ZBTB7B: variants seen among roughly 807,000 people sequenced by gnomAD.
ZBTB7B encodes the protein zinc finger and BTB domain-containing protein 7B.
In ZBTB7B, 8 loss-of-function variants were observed where a neutral mutation model predicts 31.0. That is an observed-to-expected ratio of 0.26 (90% CI 0.15 to 0.47). The LOEUF is 0.47. Ranked by LOEUF, ZBTB7B falls within the 20% of genes least tolerant of loss-of-function variation. ZBTB7B has a pLI of 0.99. For synonymous variants in ZBTB7B, 261 were observed against 307.3 expected (o/e 0.85, Z 1.58); for missense variants, 494 against 742.4 (o/e 0.67, Z 3.89).
At chr1:155,007,795 C>T (rs977225450) in intron 1 of ZBTB7B, among the ~76,000 whole-genome samples, 5 of 151,826 alleles carry the variant, frequency 3.3e-5, no homozygotes, top group African/African-American at 9.7e-5. Flanking sequence ...CCAACCGGGC[C>T]GGGAGCTGGT....
At chr1:155,006,264 T>C (rs1341909773) in intron 1 of ZBTB7B, among the ~76,000 whole-genome samples, 1 of 152,176 alleles carries the variant, frequency 6.6e-6, no homozygotes, top group African/African-American at 2.4e-5. Flanking sequence ...ATGGACATCT[T>C]AGCCCTCTCT....
rs1262962873 is a variant in ZBTB7B at position 155,014,744 on chromosome 1, C to T, written c.84C>T (p.Arg28=). Residue 28 remains arginine, a synonymous_variant, in exon 2 of 3, where the codon CGC becomes CGT. Transcript: ENST00000535420. The stretch of plus-strand genomic sequence containing the variant: ...TCCTGAGCTGCCTCAATGAGCAGCG[C>T]CAGCTGGGCCACCTATGTGACCTCA... ...SELLSCLNEQ[R]QLGHLCDLTI... 6.2e-7 allele frequency: 1 copy of T among 1,614,240 alleles called. No homozygotes were observed. The highest frequency in any genetic ancestry group is 1.1e-5 in the South Asian group (1 of 91,092).
Position 155,004,944 on chromosome 1 carries a change from G to A in ZBTB7B, c.-7+2001G>A, listed in dbSNP as rs1386889851. On this transcript the variant is annotated intron_variant, in intron 1 of 2. Coordinates refer to ENST00000535420, the MANE Select transcript of ZBTB7B (RefSeq NM_001256455.2). The surrounding 1 kb of genome is among the most constrained non-coding windows in gnomAD (Gnocchi z 4.0). The stretch of plus-strand genomic sequence containing the variant: ...AGAAGGCAGTGCCCACTAGGCTCAG[G>A]TGTCAAGGAGACAGGCTTGCTCTAA... 1.3e-5 allele frequency among the ~76,000 whole-genome samples: 2 copies of A among 152,188 alleles called. No individual in the cohort carries two copies. Among genetic ancestry groups the A allele is most frequent in the African/African-American group, 4.8e-5 (2 of 41,444 alleles).
intron 1 of ZBTB7B, chr1:155,011,013 G>C (rs1250871757): frequency 6.5e-7 from 1 of 1,535,054 alleles, no homozygotes; most frequent in Admixed American, 2.0e-5. Context: ...GCAGAGCCTA[G>C]AGGTAGGGGC....
At chr1:155,014,219 C>A in intron 1 of ZBTB7B, 1 of 371,550 alleles carries the variant, frequency 2.7e-6, no homozygotes, top group Non-Finnish European at 3.8e-6. Context: ...TCAGCCAATT[C>A]TTTATGAAGC....
Position 155,002,930 on chromosome 1 carries a change from C to T in ZBTB7B, c.-20C>T, listed in dbSNP as rs1337319044. The T allele has an allele frequency of 6.5e-6, 1 of 152,966 alleles. No individual in the cohort carries two copies. Among genetic ancestry groups the T allele is most frequent in the Non-Finnish European group, 1.5e-5 (1 of 68,212 alleles). The allele number at this position is 152,966 out of a possible 1,614,324, so 9.5% of individuals were successfully genotyped here. A position where few individuals can be genotyped will look rare whatever the true frequency, so the allele number is the denominator to read the frequency against. On this transcript the variant is annotated 5_prime_UTR_variant, in exon 1 of 3. Transcript: ENST00000535420. ...GCCTCAGCAGCTCCAGCCAGCGGAC[C>T]CGACGGCTGAGAGGTGAGTGTACCC...
Position 155,016,202 on chromosome 1 carries a change from C to G in ZBTB7B, c.1155-18C>G, listed in dbSNP as rs545240443. ...CCATCCTGAACACCTCCCTGCCCCT[C>G]ACCCCTGCCTGTGCCAGGAACGACA... On this transcript the variant is annotated intron_variant, in intron 2 of 2. Transcript: ENST00000535420. The surrounding 1 kb of genome is among the most constrained non-coding windows in gnomAD (Gnocchi z 4.3). The G allele has an allele frequency of 6.2e-7, 1 of 1,608,522 alleles. No individual in the cohort carries two copies. Among genetic ancestry groups the G allele is most frequent in the African/African-American group, 1.3e-5 (1 of 74,908 alleles).
intron 1 of ZBTB7B, among the ~76,000 whole-genome samples, chr1:155,006,449 C>A (rs931502144): frequency 6.6e-6 from 1 of 152,200 alleles, no homozygotes; most frequent in African/African-American, 2.4e-5. Context: ...TCCCCAGAAC[C>A]AGGTCAGCCT....
intron 1 of ZBTB7B, among the ~76,000 whole-genome samples, chr1:155,008,560 C>T (rs1334928598): frequency 6.6e-6 from 1 of 152,180 alleles, no homozygotes; most frequent in Non-Finnish European, 1.5e-5. Flanking sequence ...CTCCCTTCTT[C>T]CTTCTCCTGG....
intron 1 of ZBTB7B, among the ~76,000 whole-genome samples, chr1:155,012,365 T>G (rs1240459537): frequency 6.6e-5 from 10 of 152,068 alleles, no homozygotes; most frequent in Admixed American, 6.5e-4. Context: ...CCATCCCCCT[T>G]AGGAGGGACA....
chr1:155,010,931 T>C (rs1658925098), intron 1 of ZBTB7B: 13 of 1,535,796 alleles, frequency 8.5e-6, no homozygotes, highest in Non-Finnish European at 1.1e-5. Flanking sequence ...TGTTACAGCC[T>C]GGTCCTCATC....
intron 1 of ZBTB7B, among the ~76,000 whole-genome samples, chr1:155,008,310 A>G (rs1571511369): frequency 6.6e-6 from 1 of 151,728 alleles, no homozygotes; most frequent in Admixed American, 6.6e-5. Flanking sequence ...GGGTGAGGCT[A>G]TGGGGAGGGC....
rs760358899 is a variant in ZBTB7B at position 155,014,675 on chromosome 1, G to A, written c.15G>A (p.Glu5=). The A allele has an allele frequency of 7.9e-5, 128 of 1,613,042 alleles. 1 individual carries two copies. The highest frequency in any genetic ancestry group is 7.0e-4 in the South Asian group (64 of 91,062). The change falls in exon 2 of 3, where the codon GAG becomes GAA. Residue 5 remains glutamate, a synonymous_variant. Coordinates refer to ENST00000535420, the MANE Select transcript of ZBTB7B (RefSeq NM_001256455.2). ...TGCAGGAGAAGATGGGGAGCCCCGAGGATGACCTGATTGGGATTCCATTCC... is the reference window on the plus strand; with the variant it reads ...TGCAGGAGAAGATGGGGAGCCCCGAAGATGACCTGATTGGGATTCCATTCC... The part of the protein sequence containing the change: MGSP[E]DDLIGIPFPD...
chr1:155,010,848 GA>G, intron 1 of ZBTB7B: 1 of 1,303,186 alleles, frequency 7.7e-7, no homozygotes, highest in Non-Finnish European at 1.1e-6. Flanking sequence ...AAGTAAGGGG[GA>G]GGGGTGGCCA....
chr1:155,007,166 G>A (rs1323324934), intron 1 of ZBTB7B, among the ~76,000 whole-genome samples: 1 of 152,228 alleles, frequency 6.6e-6, no homozygotes, highest in African/African-American at 2.4e-5. Flanking sequence ...ATGGGATGCT[G>A]TGTACCTATG....
chr1:155,008,824 G>T (rs1398868863), intron 1 of ZBTB7B, among the ~76,000 whole-genome samples: 3 of 152,018 alleles, frequency 2.0e-5, no homozygotes, highest in Non-Finnish European at 4.4e-5. Flanking sequence ...TAAGGCTGTA[G>T]GGGGGAGGGG....
intron 1 of ZBTB7B, among the ~76,000 whole-genome samples, chr1:155,011,556 G>A (rs1470996407): frequency 6.6e-6 from 1 of 152,246 alleles, no homozygotes; most frequent in Non-Finnish European, 1.5e-5. Context: ...AGCCTGGGGG[G>A]GTGGCGGGAA....
At chr1:155,011,470 C>T (rs1013140058) in intron 1 of ZBTB7B, among the ~76,000 whole-genome samples, 1 of 152,236 alleles carries the variant, frequency 6.6e-6, no homozygotes, top group Non-Finnish European at 1.5e-5. Context: ...AAGGACAGGG[C>T]AGGCTTGACT....
rs111808159 is a variant in ZBTB7B, at chr1:155,013,139, T to G, written c.-6-1516T>G. The stretch of plus-strand genomic sequence containing the variant: ...GAACATTTATCGAATCCCTACTGCA[T>G]ATCAGGCATTGTGCCATATTTGGTC... On this transcript the variant is annotated intron_variant, in intron 1 of 2. Transcript: ENST00000535420. 7.0e-3 allele frequency among the ~76,000 whole-genome samples: 1,068 copies of G among 152,310 alleles called. 16 individuals carry two copies. Among genetic ancestry groups the G allele is most frequent in the African/African-American group, 0.025 (1,029 of 41,550 alleles).
Sources: allele counts gnomAD v4.1 joint callset (sites outside exome capture counted in the v4.1 genomes callset), GRCh38; gene constraint gnomAD v4.1.1; non-coding constraint Gnocchi (gnomAD v3.1); transcripts MANE v1.5; gene names NCBI Gene and HGNC (gene_info 2026-07-23, HGNC 2026-07-21).